Variants in NTNG1 observed in about 807,000 individuals in gnomAD.
The protein encoded by NTNG1 is netrin G1.
NTNG1 carries 16 observed loss-of-function variants against 54.0 expected under a neutral mutation model. The ratio of observed to expected loss-of-function variants is 0.30; its 90% CI spans 0.20 to 0.45. The LOEUF is 0.45. NTNG1 is among the 20% of genes least tolerant of loss of function. NTNG1 has a pLI of 1.00. For synonymous variants in NTNG1, 255 were observed against 263.1 expected, an observed-to-expected ratio of 0.97 and a Z score of 0.30; for missense variants, 530 against 678.7, an observed-to-expected ratio of 0.78 and a Z score of 2.43.
chr1:107,250,480 G>A (rs898067371), intron 2 of NTNG1, among the ~76,000 whole-genome samples: 1 of 152,100 alleles, frequency 6.6e-6, no homozygotes, highest in African/African-American at 2.4e-5. Context: ...TCCTGTGTTA[G>A]TGTGCTGACC....
intron 2 of NTNG1, among the ~76,000 whole-genome samples, chr1:107,157,275 G>C (rs1341986999): frequency 1.3e-5 from 2 of 152,154 alleles, no homozygotes; most frequent in Non-Finnish European, 1.5e-5. Flanking sequence ...GAGATAAACT[G>C]TTGTATAGTA....
chr1:107,423,132 C>A (rs969931587), intron 5 of NTNG1, among the ~76,000 whole-genome samples: 1 of 152,066 alleles, frequency 6.6e-6, no homozygotes, highest in African/African-American at 2.4e-5. Flanking sequence ...ACACCTCTAG[C>A]CTTCATTGCT....
At position 107,299,809 on chromosome 1, in the gene NTNG1, G is replaced by A. The variant is rs184862185; in HGVS notation, c.247-24473G>A. On this transcript the variant is annotated intron_variant, in intron 2 of 7. Coordinates refer to ENST00000370068, the MANE Select transcript of NTNG1 (RefSeq NM_001113226.3). ...TTAAGCAGCCTGACAAGAAGTGTGC[G>A]GTATAGTGGATAGACTGTAATCTAA... Among the ~76,000 whole-genome samples the A allele has an allele frequency of 1.3e-3, 205 of 152,126 alleles. 1 individual carries two copies. Among genetic ancestry groups the A allele is most frequent in the African/African-American group, 4.6e-3 (193 of 41,522 alleles).
chr1:107,395,127 T>C, intron 3 of NTNG1, 27 bp from the exon 4 acceptor site: 1 of 1,595,928 alleles, frequency 6.3e-7, no homozygotes, highest in East Asian at 2.2e-5. Context: ...TATCTGACAA[T>C]GAACTCTTTG....
At chr1:107,314,231 C>T (rs1298194079) in intron 2 of NTNG1, among the ~76,000 whole-genome samples, 1 of 151,804 alleles carries the variant, frequency 6.6e-6, no homozygotes, top group Non-Finnish European at 1.5e-5. Context: ...AGTGAAACCC[C>T]GTCTCTACTA....
At chr1:107,458,566 G>A (rs1313976603) in intron 7 of NTNG1, among the ~76,000 whole-genome samples, 1 of 152,122 alleles carries the variant, frequency 6.6e-6, no homozygotes, top group Non-Finnish European at 1.5e-5. Context: ...TGAGCAAAGT[G>A]TGCACTGCTT....
At chr1:107,331,623 C>T (rs1426916068) in intron 3 of NTNG1, among the ~76,000 whole-genome samples, 2 of 152,132 alleles carry the variant, frequency 1.3e-5, no homozygotes, top group African/African-American at 4.8e-5. Context: ...CTGCTTTCAA[C>T]TAATGGGCAT....
At chr1:107,297,102 CACACACACACACAA>C (rs1371660363) in intron 2 of NTNG1, among the ~76,000 whole-genome samples, 1 of 147,302 alleles carries the variant, frequency 6.8e-6, no homozygotes, top group African/African-American at 2.5e-5. Flanking sequence ...CACACACACA[CACACACACACACAA>C]ACACACACAT....
chr1:107,250,029 GT>G (rs1407421185), intron 2 of NTNG1, among the ~76,000 whole-genome samples: 1 of 152,058 alleles, frequency 6.6e-6, no homozygotes, highest in East Asian at 1.9e-4. Flanking sequence ...TGCTTTTCTT[GT>G]TATATAAAAG....
intron 3 of NTNG1, among the ~76,000 whole-genome samples, chr1:107,384,884 T>A (rs1025561411): frequency 1.3e-5 from 2 of 152,220 alleles, no homozygotes; most frequent in Non-Finnish European, 2.9e-5. Flanking sequence ...TAAACTTTGG[T>A]CATTGCATAT....
chr1:107,407,540 C>A (rs946258163), intron 4 of NTNG1, 142 bp from the exon 5 acceptor site: 1 of 626,176 alleles, frequency 1.6e-6, no homozygotes, highest in Admixed American at 3.0e-5. Flanking sequence ...TATATGTGCA[C>A]CTGTATTTTG....
chr1:107,298,357 C>T (rs1331370242), intron 2 of NTNG1, among the ~76,000 whole-genome samples: 4 of 151,954 alleles, frequency 2.6e-5, no homozygotes, highest in Non-Finnish European at 4.4e-5. Flanking sequence ...TTTCGAAGTT[C>T]TCATCTGCAC....
intron 3 of NTNG1, among the ~76,000 whole-genome samples, chr1:107,392,506 A>G (rs558440980): frequency 6.8e-4 from 104 of 152,164 alleles, no homozygotes; most frequent in Middle Eastern, 3.4e-3. Flanking sequence ...GAGCTTGGGT[A>G]TCCAGAGGGG....
intron 7 of NTNG1, among the ~76,000 whole-genome samples, chr1:107,476,361 G>A (rs557648234): frequency 9.2e-5 from 14 of 152,002 alleles, no homozygotes; most frequent in African/African-American, 2.2e-4. Context: ...TTGCAACAAC[G>A]ACCACCACCA....
chr1:107,361,287 T>C (rs1043623627), intron 3 of NTNG1, among the ~76,000 whole-genome samples: 1 of 143,020 alleles, frequency 7.0e-6, no homozygotes, highest in African/African-American at 2.5e-5. Context: ...TAATATATAA[T>C]TTTTATATAA....
At chr1:107,386,673 T>TA (rs1672022083) in intron 3 of NTNG1, among the ~76,000 whole-genome samples, 1 of 152,220 alleles carries the variant, frequency 6.6e-6, no homozygotes, top group African/African-American at 2.4e-5. Flanking sequence ...TTTTTGGCTA[T>TA]TATGAATAAT....
intron 2 of NTNG1, among the ~76,000 whole-genome samples, chr1:107,306,903 C>T (rs948264064): frequency 2.0e-5 from 3 of 152,132 alleles, no homozygotes; most frequent in Non-Finnish European, 2.9e-5. Flanking sequence ...TATACCTGGC[C>T]AACAGGGGCT....
intron 2 of NTNG1, among the ~76,000 whole-genome samples, chr1:107,220,107 G>T (rs1272182022): frequency 6.6e-6 from 1 of 152,122 alleles, no homozygotes; most frequent in African/African-American, 2.4e-5. Context: ...GTTCCCAGGG[G>T]GATTATGGAT....
intron 4 of NTNG1, among the ~76,000 whole-genome samples, chr1:107,396,326 C>A (rs1002437205): frequency 6.6e-6 from 1 of 152,010 alleles, no homozygotes; most frequent in Non-Finnish European, 1.5e-5. Flanking sequence ...ATCATAGGAA[C>A]CAGGACTTTA....
Sources: gnomAD v4.1 joint callset for allele counts (sites outside exome capture counted in the v4.1 genomes callset) on GRCh38, gnomAD v4.1.1 for gene constraint, MANE v1.5 for transcripts, NCBI Gene and HGNC (gene_info 2026-07-23, HGNC 2026-07-21) for gene names.